RADIL: variants seen among roughly 807,000 people sequenced by gnomAD.
The protein encoded by RADIL is Rap associating with DIL domain.
RADIL carries 99 observed loss-of-function variants against 97.6 expected under a neutral mutation model. That is an observed-to-expected ratio of 1.01 (90% CI 0.86 to 1.20). RADIL has a LOEUF of 1.20. RADIL is among the 50% of genes most tolerant of loss of function. The pLI is 0.00. For missense variants in RADIL, 1,765 were observed against 1,498.9 expected, an observed-to-expected ratio of 1.18 and a Z score of -2.93; for synonymous variants, 803 against 691.8, an observed-to-expected ratio of 1.16 and a Z score of -2.52.
At position 4,880,046 on chromosome 7, in the gene RADIL, G is replaced by A. The variant is rs1455614346; in HGVS notation, c.-64-1843C>T. ...GTCTGCCCTGCGGGGTGGGTGGCTG[G>A]CCCTTCTCCTGTTCCTATAGCCCAC... is the stretch of plus-strand genomic sequence containing the variant. On this transcript the variant is annotated intron_variant, in intron 1 of 14. Coordinates refer to ENST00000399583, the MANE Select transcript of RADIL (RefSeq NM_018059.5). This position sits in a 1 kb window ranked among gnomAD's most constrained non-coding sequence, Gnocchi z 4.5. Among the ~76,000 whole-genome samples, 1 of 152,170 alleles carries A rather than the reference G, an allele frequency of 6.6e-6. No individual in the cohort carries two copies. Among genetic ancestry groups the A allele is most frequent in the Non-Finnish European group, 1.5e-5 (1 of 68,032 alleles).
chr7:4,822,699 G>A lies in RADIL; in HGVS notation c.1455-145C>T, dbSNP rs1169450780. 9 of 950,980 alleles carry A rather than the reference G, an allele frequency of 9.5e-6. No homozygotes were observed. Among genetic ancestry groups the A allele is most frequent in the African/African-American group, 3.3e-5 (2 of 60,262 alleles). 58.9% of individuals were successfully genotyped at this position (950,980 alleles called of 1,614,324 possible). On this transcript the variant is annotated intron_variant, in intron 5 of 14. Transcript: ENST00000399583. The surrounding 1 kb of genome is among the most constrained non-coding windows in gnomAD (Gnocchi z 5.3). The stretch of plus-strand genomic sequence containing the variant: ...CAACCTGACACTGCTGGGCGGGGAC[G>A]TTTAACAATACGTGTACCCGCCTGG...
At position 4,879,287 on chromosome 7, in the gene RADIL, C is replaced by T. The variant is rs571224300; in HGVS notation, c.-64-1084G>A. The stretch of plus-strand genomic sequence containing the variant: ...CTAATGTCCGTAGCGTGCCCAGGGC[C>T]AGGAGTTCCAGATGGTTTCTCAGTC... On this transcript the variant is annotated intron_variant, in intron 1 of 14. Coordinates refer to ENST00000399583, the MANE Select transcript of RADIL (RefSeq NM_018059.5). The surrounding 1 kb of genome is among the most constrained non-coding windows in gnomAD (Gnocchi z 4.1). 2.0e-3 allele frequency among the ~76,000 whole-genome samples: 300 copies of T among 152,356 alleles called. No individual in the cohort carries two copies. The highest frequency in any genetic ancestry group is 3.1e-3 in the Non-Finnish European group (213 of 68,040).
rs1264678046 is a variant in RADIL at position 4,824,507 on chromosome 7, G to T, written c.1455-1953C>A. Among the ~76,000 whole-genome samples, 5 of 152,208 alleles carry T rather than the reference G, an allele frequency of 3.3e-5. No individual in the cohort carries two copies. The highest frequency in any genetic ancestry group is 1.2e-4 in the African/African-American group (5 of 41,456). ...CCAGCTGGGCAGCCGAGCAGGGCTG[G>T]GGGAGGAACCCCAGGCTGCGTCCCA... On this transcript the variant is annotated intron_variant, in intron 5 of 14. Coordinates refer to ENST00000399583, the MANE Select transcript of RADIL (RefSeq NM_018059.5). This position sits in a 1 kb window ranked among gnomAD's most constrained non-coding sequence, Gnocchi z 6.7.
intron 2 of RADIL, among the ~76,000 whole-genome samples, chr7:4,853,171 A>C (rs1783749512): frequency 3.3e-5 from 5 of 152,272 alleles, no homozygotes; most frequent in Admixed American, 3.3e-4. Context: ...CCAGAATTCT[A>C]AGATGACCCC....
rs762963862 is a variant in RADIL at position 4,817,351 on chromosome 7, C to G, written c.1616G>C (p.Gly539Ala). 2 of 1,610,278 alleles carry G rather than the reference C, an allele frequency of 1.2e-6. No individual in the cohort carries two copies. The highest frequency in any genetic ancestry group is 1.3e-5 in the African/African-American group (1 of 74,876). Residue 539 changes from glycine to alanine, a missense_variant and splice_region_variant, in exon 7 of 15, where the codon GGC (glycine) becomes GCC (alanine). Physicochemically the swap from Gly to Ala is moderately conservative, Grantham distance 60 (BLOSUM62 0). Coordinates refer to ENST00000399583, the MANE Select transcript of RADIL (RefSeq NM_018059.5). The surrounding 1 kb of genome is among the most constrained non-coding windows in gnomAD (Gnocchi z 8.3). ...QSMEEQLDITGSKESLFSCTL... is the reference protein window; with the variant it reads ...QSMEEQLDITASKESLFSCTL... ...GCAGGAGAACAGCGATTCCTTCGAG[C>G]CTGCCGGGAGACAGCCACGCCAATG...
chr7:4,831,910 G>T (rs1050947971), intron 5 of RADIL, among the ~76,000 whole-genome samples: 1 of 151,880 alleles, frequency 6.6e-6, no homozygotes, highest in Non-Finnish European at 1.5e-5. Flanking sequence ...AACAAAAAAA[G>T]AAGACCTCAC....
At chr7:4,865,517 C>T (rs2115039085) in intron 2 of RADIL, 1 of 782,586 alleles carries the variant, frequency 1.3e-6, no homozygotes, top group Admixed American at 1.7e-5. Context: ...CAACTATGCG[C>T]AGCCAATATT....
rs900749677 is a variant in RADIL, at chr7:4,837,244, G to C, written c.536-639C>G. On this transcript the variant is annotated intron_variant, in intron 2 of 14. Coordinates refer to ENST00000399583, the MANE Select transcript of RADIL (RefSeq NM_018059.5). The surrounding 1 kb of genome is among the most constrained non-coding windows in gnomAD (Gnocchi z 5.6). ...GGCCTGCCCGACCAGCCAGCACCAC[G>C]GCCCACAGGCCTCAAACCACAGACG... Among the ~76,000 whole-genome samples, 1 of 152,136 alleles carries C rather than the reference G, an allele frequency of 6.6e-6. No homozygotes were observed. The highest frequency in any genetic ancestry group is 1.9e-4 in the East Asian group (1 of 5,190).
chr7:4,823,372 G>T lies in RADIL; in HGVS notation c.1455-818C>A, dbSNP rs377668197. On this transcript the variant is annotated intron_variant, in intron 5 of 14. Transcript: ENST00000399583. ...TTTTTTAGAGACAGGGTCTTGCTAT[G>T]TTGCCCAGGCTGCTCTTGAACTCCT... Among the ~76,000 whole-genome samples, 363 of 119,622 alleles carry T rather than the reference G, an allele frequency of 3.0e-3. 7 individuals are homozygous for T. Among genetic ancestry groups the T allele is most frequent in the African/African-American group, 0.011 (343 of 30,706 alleles). 78.5% of individuals were successfully genotyped at this position (119,622 alleles called of 152,430 possible). A position where few individuals can be genotyped will look rare whatever the true frequency, so the allele number is the denominator to read the frequency against.
chr7:4,802,202 C>T (rs1185636454), intron 11 of RADIL, among the ~76,000 whole-genome samples: 1 of 152,230 alleles, frequency 6.6e-6, no homozygotes, highest in African/African-American at 2.4e-5. Flanking sequence ...GGCCAGGACT[C>T]CCGGGGTTCC....
At chr7:4,823,894 T>C (rs933872191) in intron 5 of RADIL, among the ~76,000 whole-genome samples, 2 of 152,178 alleles carry the variant, frequency 1.3e-5, no homozygotes, top group African/African-American at 4.8e-5. Flanking sequence ...AGGTTGCTCA[T>C]CTGGTCCATG....
At chr7:4,816,601 G>A (rs561441479) in intron 7 of RADIL, 136 bp from the exon 8 acceptor site, 1 of 699,562 alleles carries the variant, frequency 1.4e-6, no homozygotes, top group African/African-American at 1.8e-5. Flanking sequence ...TGCTGGACAG[G>A]CCATGGCTTT....
intron 2 of RADIL, among the ~76,000 whole-genome samples, chr7:4,851,857 A>T (rs1583307310): frequency 6.6e-6 from 1 of 152,216 alleles, no homozygotes; most frequent in Admixed American, 6.5e-5. Context: ...GCACAGAGGA[A>T]AAACCAAGTG....
intron 9 of RADIL, chr7:4,805,944 C>G (rs1264010493): frequency 2.0e-6 from 2 of 985,432 alleles, no homozygotes; most frequent in Non-Finnish European, 2.4e-6. Flanking sequence ...ATCGGGAACC[C>G]CCTGCCCAGG....
At chr7:4,863,892 A>G (rs531214007) in intron 2 of RADIL, among the ~76,000 whole-genome samples, 3 of 152,214 alleles carry the variant, frequency 2.0e-5, no homozygotes, top group Admixed American at 6.5e-5. Flanking sequence ...CAATGCCTCT[A>G]GGGCGGTTCT....
chr7:4,822,748 C>T lies in RADIL; in HGVS notation c.1455-194G>A, dbSNP rs1782870012. Among the ~76,000 whole-genome samples the T allele has an allele frequency of 6.6e-6, 1 of 152,140 alleles. No homozygotes were observed. ...GGCACCTGCCTACAACACCCGACAG[C>T]CAGAGGACCCTACAAACCTAGCAGG... On this transcript the variant is annotated intron_variant, in intron 5 of 14. Transcript: ENST00000399583. The surrounding 1 kb of genome is among the most constrained non-coding windows in gnomAD (Gnocchi z 5.3).
At position 4,877,880 on chromosome 7, in the gene RADIL, G is replaced by A; in HGVS notation, c.260C>T (p.Ser87Phe). ...CTCCTTCACCAGCTCACGGGCGCTG[G>A]AGGTGCCGGTGGCCAGGACGCTCTT... Reference protein sequence around the residue: ...HYKSVLATGTSSARELVKEAL... With the variant: ...HYKSVLATGTFSARELVKEAL... Residue 87 changes from serine to phenylalanine, a missense_variant, in exon 2 of 15, where the codon TCC (serine) becomes TTC (phenylalanine). Transcript: ENST00000399583. 1 of 1,605,598 alleles carries A rather than the reference G, an allele frequency of 6.2e-7. No homozygotes were observed. Among genetic ancestry groups the A allele is most frequent in the Non-Finnish European group, 8.5e-7 (1 of 1,179,968 alleles).
chr7:4,847,527 G>A (rs886548080), intron 2 of RADIL, among the ~76,000 whole-genome samples: 23 of 151,966 alleles, frequency 1.5e-4, no homozygotes, highest in African/African-American at 5.3e-4. Context: ...ACACGTCCAC[G>A]CAAATGCTTA....
Position 4,799,688 on chromosome 7 carries a change from G to A in RADIL, c.3064C>T (p.Leu1022=). The change falls in exon 14 of 15, where the codon CTG becomes TTG. Residue 1022 remains leucine (L), a synonymous_variant. Transcript: ENST00000399583. ...TTCACCTCCAGGATACGGTCCCCCA[G>A]CGACAGGCGCCCGTCGGCCGCTGCG... The part of the protein sequence containing the change: ...SPAAADGRLS[L]GDRILEVNGS... The A allele has an allele frequency of 1.3e-6, 2 of 1,585,342 alleles. No homozygotes were observed. Among genetic ancestry groups the A allele is most frequent in the Non-Finnish European group, 8.6e-7 (1 of 1,167,298 alleles).
Sources: gnomAD v4.1 joint callset for allele counts (sites outside exome capture counted in the v4.1 genomes callset) on GRCh38, gnomAD v4.1.1 for gene constraint, Gnocchi (gnomAD v3.1) non-coding constraint, MANE v1.5 for transcripts, NCBI Gene and HGNC (gene_info 2026-07-23, HGNC 2026-07-21) for gene names.